Variants in GPATCH2 observed in about 807,000 individuals in gnomAD.
GPATCH2 encodes the protein G-patch domain containing 2.
GPATCH2 carries 51 observed loss-of-function variants against 58.0 expected under a neutral mutation model. That is an observed-to-expected ratio of 0.88 (90% CI 0.70 to 1.11). GPATCH2 has a LOEUF of 1.11. Among genes scored for constraint, GPATCH2 ranks in the 50% most tolerant of loss-of-function variants. The pLI, the probability that GPATCH2 is intolerant of heterozygous loss-of-function variation, is 0.00. For missense variants in GPATCH2, 625 were observed against 652.2 expected, an observed-to-expected ratio of 0.96 and a Z score of 0.45; for synonymous variants, 222 against 218.5, an observed-to-expected ratio of 1.02 and a Z score of -0.14.
At chr1:217,572,757 A>C (rs991166347) in intron 5 of GPATCH2, among the ~76,000 whole-genome samples, 10 of 152,242 alleles carry the variant, frequency 6.6e-5, no homozygotes, top group African/African-American at 2.4e-4. Context: ...TTATGATTTA[A>C]TTGATCTAAG....
chr1:217,573,356 A>T (rs553887985), intron 5 of GPATCH2, among the ~76,000 whole-genome samples: 59 of 152,292 alleles, frequency 3.9e-4, no homozygotes, highest in African/African-American at 1.3e-3. Context: ...CTTGGAAAAA[A>T]AAAATCAAAA....
At chr1:217,439,052 A>G (rs187583990) in intron 9 of GPATCH2, among the ~76,000 whole-genome samples, 206 of 152,318 alleles carry the variant, frequency 1.4e-3, no homozygotes, top group African/African-American at 4.8e-3. Context: ...CTCCACTGCA[A>G]ATCAACAGAA....
At chr1:217,599,068 T>C (rs1390739870) in intron 5 of GPATCH2, among the ~76,000 whole-genome samples, 2 of 152,264 alleles carry the variant, frequency 1.3e-5, no homozygotes, top group East Asian at 3.9e-4. Flanking sequence ...GGATACACTG[T>C]TGTGAACAGA....
intron 3 of GPATCH2, among the ~76,000 whole-genome samples, chr1:217,611,977 C>A (rs1668655402): frequency 6.6e-6 from 1 of 151,820 alleles, no homozygotes; most frequent in African/African-American, 2.4e-5. Flanking sequence ...GTTAGGAGTT[C>A]CAGACCAACC....
Position 217,489,935 on chromosome 1 carries a change from A to G in GPATCH2, c.1277+1745T>C, listed in dbSNP as rs142628572. ...TTTAAAAAGTCCTACAAATTACATT[A>G]TTACAATTATCACTTTATAGAAGCA... On this transcript the variant is annotated intron_variant, in intron 8 of 9. Coordinates refer to ENST00000366935, the MANE Select transcript of GPATCH2 (RefSeq NM_018040.5). Among the ~76,000 whole-genome samples the G allele has an allele frequency of 6.7e-3, 1,017 of 152,370 alleles. 10 individuals carry two copies. The highest frequency in any genetic ancestry group is 0.023 in the African/African-American group (954 of 41,584).
intron 8 of GPATCH2, among the ~76,000 whole-genome samples, chr1:217,456,637 G>T (rs140638656): frequency 0.011 from 1,696 of 152,236 alleles, 12 homozygotes; most frequent in Middle Eastern, 0.048. Flanking sequence ...GCAAAATACA[G>T]GTATGCATAC....
chr1:217,455,225 T>A (rs1659886972), intron 8 of GPATCH2, among the ~76,000 whole-genome samples: 1 of 152,186 alleles, frequency 6.6e-6, no homozygotes, highest in Admixed American at 6.5e-5. Flanking sequence ...AACCTTGTAG[T>A]AACTTAGTTC....
chr1:217,559,081 ATAAT>A (rs919866583), intron 5 of GPATCH2, among the ~76,000 whole-genome samples: 2 of 152,272 alleles, frequency 1.3e-5, no homozygotes, highest in East Asian at 3.9e-4. Flanking sequence ...ATTTAAACAA[ATAAT>A]TAAACAATTA....
intron 5 of GPATCH2, among the ~76,000 whole-genome samples, chr1:217,560,046 A>C (rs1347640182): frequency 6.6e-6 from 1 of 152,112 alleles, no homozygotes; most frequent in Non-Finnish European, 1.5e-5. Flanking sequence ...ATGGGGTTTC[A>C]CCATGTTGGC....
chr1:217,556,957 C>T (rs1420231115), intron 5 of GPATCH2, among the ~76,000 whole-genome samples: 2 of 152,168 alleles, frequency 1.3e-5, no homozygotes, highest in Admixed American at 6.5e-5. Context: ...GAACACATAT[C>T]ATGTTTATAG....
chr1:217,493,358 T>C (rs1201982638), intron 7 of GPATCH2, among the ~76,000 whole-genome samples: 2 of 152,170 alleles, frequency 1.3e-5, no homozygotes, highest in Non-Finnish European at 2.9e-5. Context: ...TAACCTTCTT[T>C]CTTCTAAATT....
intron 5 of GPATCH2, among the ~76,000 whole-genome samples, chr1:217,563,597 A>G (rs1666037555): frequency 6.6e-6 from 1 of 152,186 alleles, no homozygotes; most frequent in East Asian, 1.9e-4. Flanking sequence ...TTCAATACCT[A>G]AAAAAGCTTA....
chr1:217,631,033 G>A lies in GPATCH2; in HGVS notation c.-62C>T. 6.9e-6 allele frequency: 10 copies of A among 1,451,592 alleles called. No homozygotes were observed. The highest frequency in any genetic ancestry group is 6.0e-5 in the South Asian group (5 of 83,298). 89.9% of individuals were successfully genotyped at this position (1,451,592 alleles called of 1,614,324 possible). A position where few individuals can be genotyped will look rare whatever the true frequency, so the allele number is the denominator to read the frequency against. On this transcript the variant is annotated 5_prime_UTR_variant, in exon 1 of 10. Transcript: ENST00000366935. ...CCGTGAACAGACTCCAACTACAACA[G>A]CACCGGCGACTTCCAAAGAGCAGTT...
At chr1:217,481,456 A>G (rs993318645) in intron 8 of GPATCH2, among the ~76,000 whole-genome samples, 2 of 152,228 alleles carry the variant, frequency 1.3e-5, no homozygotes, top group Non-Finnish European at 2.9e-5. Context: ...GAAATTAGAG[A>G]ATGGTAAAGA....
intron 5 of GPATCH2, among the ~76,000 whole-genome samples, chr1:217,556,566 T>C (rs1320086516): frequency 6.6e-6 from 1 of 152,262 alleles, no homozygotes; most frequent in Non-Finnish European, 1.5e-5. Context: ...ATTAATATAG[T>C]ATTCCACTGA....
At chr1:217,588,622 A>T (rs1217092369) in intron 5 of GPATCH2, among the ~76,000 whole-genome samples, 1 of 152,330 alleles carries the variant, frequency 6.6e-6, no homozygotes, top group East Asian at 1.9e-4. Context: ...AAATAAAATA[A>T]ATAGTGCACA....
chr1:217,589,002 C>T (rs557599283), intron 5 of GPATCH2, among the ~76,000 whole-genome samples: 3 of 152,040 alleles, frequency 2.0e-5, no homozygotes, highest in Non-Finnish European at 4.4e-5. Flanking sequence ...ACATTTTCAT[C>T]GAAGGAAGCA....
chr1:217,520,000 A>G (rs1353416718), intron 5 of GPATCH2, among the ~76,000 whole-genome samples: 1 of 152,154 alleles, frequency 6.6e-6, no homozygotes, highest in Non-Finnish European at 1.5e-5. Flanking sequence ...AAACATGAAA[A>G]ATATTAGTAA....
chr1:217,490,994 A>G (rs1661700414), intron 8 of GPATCH2, among the ~76,000 whole-genome samples: 1 of 152,238 alleles, frequency 6.6e-6, no homozygotes, highest in Non-Finnish European at 1.5e-5. Flanking sequence ...GTCAGTGGAT[A>G]GCACACTAGC....
Sources: allele counts gnomAD v4.1 joint callset (sites outside exome capture counted in the v4.1 genomes callset), GRCh38; gene constraint gnomAD v4.1.1; transcripts MANE v1.5; gene names NCBI Gene and HGNC (gene_info 2026-07-23, HGNC 2026-07-21).